TFDP2: variants seen among roughly 807,000 people sequenced by gnomAD.
TFDP2 encodes transcription factor Dp-2, also known as transcription factor Dp-2 (E2F dimerization partner 2).
A neutral mutation model predicts 59.3 loss-of-function variants in TFDP2; 17 were observed. That is an observed-to-expected ratio of 0.29 (90% CI 0.20 to 0.43). The LOEUF (loss-of-function observed/expected upper bound fraction) is 0.43. Among genes scored for constraint, TFDP2 ranks in the 20% least tolerant of loss-of-function variants. TFDP2 has a pLI of 1.00. For missense variants in TFDP2, 391 were observed against 528.8 expected, an observed-to-expected ratio of 0.74 and a Z score of 2.56; for synonymous variants, 180 against 194.7, an observed-to-expected ratio of 0.92 and a Z score of 0.63.
intron 1 of TFDP2, among the ~76,000 whole-genome samples, chr3:142,124,810 A>G (rs1247326284): frequency 6.6e-6 from 1 of 152,170 alleles, no homozygotes; most frequent in Non-Finnish European, 1.5e-5. Context: ...TATACTATAG[A>G]AAGTTAACTT....
At chr3:142,078,262 G>C (rs894130487) in intron 3 of TFDP2, among the ~76,000 whole-genome samples, 2 of 152,190 alleles carry the variant, frequency 1.3e-5, no homozygotes, top group East Asian at 1.9e-4. Context: ...TCGCTGCCCT[G>C]AAGGGAAGAA....
Sources: gnomAD v4.1 joint callset for allele counts (sites outside exome capture counted in the v4.1 genomes callset) on GRCh38, gnomAD v4.1.1 for gene constraint, MANE v1.5 for transcripts, NCBI Gene and HGNC (gene_info 2026-07-23, HGNC 2026-07-21) for gene names.